GREB1L: variants seen among roughly 807,000 people sequenced by gnomAD.
The protein encoded by GREB1L is GREB1 like retinoic acid receptor coactivator.
In GREB1L, 17 loss-of-function variants were observed where a neutral mutation model predicts 200.8. That is an observed-to-expected ratio of 0.08 (90% CI 0.06 to 0.13). The LOEUF is 0.13. Among genes scored for constraint, GREB1L ranks in the 10% least tolerant of loss-of-function variants. The pLI, the probability that GREB1L is intolerant of heterozygous loss-of-function variation, is 1.00. For synonymous variants in GREB1L, 789 were observed against 893.0 expected (o/e 0.88, Z 2.08); for missense variants, 1,657 against 2,367.7 (o/e 0.70, Z 6.23).
chr18:21,522,778 G>T lies in GREB1L; in HGVS notation c.5729G>T (p.Ser1910Ile), dbSNP rs2037625980. ...GACGAGTTTCAAACTGCTAACAGCA[G>T]TGATGACAAGCCTCTCTACTTTCTT... ...LRDEFQTANS[S>I]DDKPLYFLTG... Residue 1910 changes from serine (S) to isoleucine (I), a missense_variant, in exon 33 of 33, where the codon AGT becomes ATT. By Grantham distance (142) the Ser-to-Ile change is moderately radical (BLOSUM62 -2). Coordinates refer to ENST00000424526, the MANE Select transcript of GREB1L (RefSeq NM_001142966.3). 1.3e-6 allele frequency: 2 copies of T among 1,551,586 alleles called. No homozygotes were observed. The highest frequency in any genetic ancestry group is 2.7e-5 in the African/African-American group (2 of 73,054).
chr18:21,291,605 T>C (rs1038646821), intron 1 of GREB1L, among the ~76,000 whole-genome samples: 4 of 152,240 alleles, frequency 2.6e-5, no homozygotes, highest in African/African-American at 9.6e-5. Context: ...GCCCATGTTA[T>C]TTGAAAATAC....
chr18:21,521,515 G>A (rs1025999472), intron 32 of GREB1L, among the ~76,000 whole-genome samples: 7 of 152,132 alleles, frequency 4.6e-5, no homozygotes, highest in Non-Finnish European at 8.8e-5. Context: ...GGGGTTGTGC[G>A]GGGACTGTGC....
Position 21,515,374 on chromosome 18 carries a change from T to C in GREB1L, c.4902-43T>C, listed in dbSNP as rs764095674. On this transcript the variant is annotated intron_variant, in intron 28 of 32. Transcript: ENST00000424526. ...AGACACTTCACAAATGATCCTCTCT[T>C]CTGTAATATTTATCAACATCTTATA... 1.9e-5 allele frequency: 25 copies of C among 1,330,504 alleles called. No homozygotes were observed. The South Asian group carries it at 2.8e-4, about 15-fold the overall frequency. 82.4% of individuals were successfully genotyped at this position (1,330,504 alleles called of 1,614,324 possible).
At chr18:21,316,154 AG>A (rs2038865386) in intron 1 of GREB1L, among the ~76,000 whole-genome samples, 1 of 152,156 alleles carries the variant, frequency 6.6e-6, no homozygotes, top group South Asian at 2.1e-4. Context: ...AAGGAGCCAG[AG>A]GAGGGCCACA....
intron 4 of GREB1L, among the ~76,000 whole-genome samples, chr18:21,393,278 CA>C (rs1453230476): frequency 6.6e-6 from 1 of 151,274 alleles, no homozygotes; most frequent in East Asian, 1.9e-4. Context: ...TCCTTGCTTC[CA>C]AAATTTTCTG....
intron 7 of GREB1L, among the ~76,000 whole-genome samples, chr18:21,436,943 T>A (rs554268726): frequency 2.6e-5 from 4 of 151,706 alleles, no homozygotes; most frequent in Non-Finnish European, 2.9e-5. Flanking sequence ...ACTCCTGGAG[T>A]CAAGTGATCA....
chr18:21,304,918 A>C (rs1252080457), intron 1 of GREB1L, among the ~76,000 whole-genome samples: 2 of 151,786 alleles, frequency 1.3e-5, no homozygotes, highest in Non-Finnish European at 2.9e-5. Context: ...TACAATGTCA[A>C]CTATCAGAGA....
chr18:21,352,693 G>A (rs528588786), intron 1 of GREB1L, among the ~76,000 whole-genome samples: 4 of 151,354 alleles, frequency 2.6e-5, no homozygotes, highest in African/African-American at 4.9e-5. Flanking sequence ...CTCAGCCTCC[G>A]AAAGTGCTGG....
intron 1 of GREB1L, among the ~76,000 whole-genome samples, chr18:21,322,524 A>G (rs1250363581): frequency 1.3e-5 from 2 of 152,198 alleles, no homozygotes; most frequent in Admixed American, 6.5e-5. Context: ...TTATATAAAT[A>G]CAATGAAATG....
At chr18:21,406,084 A>G (rs1212506639) in intron 7 of GREB1L, among the ~76,000 whole-genome samples, 4 of 151,908 alleles carry the variant, frequency 2.6e-5, no homozygotes, top group African/African-American at 9.7e-5. Flanking sequence ...AAGAACAATA[A>G]AACATGTAAC....
At chr18:21,394,878 G>A (rs1347365522) in intron 4 of GREB1L, among the ~76,000 whole-genome samples, 1 of 148,456 alleles carries the variant, frequency 6.7e-6, no homozygotes, top group Non-Finnish European at 1.5e-5. Context: ...GGTGGATCAC[G>A]AGGTCAGGAG....
At chr18:21,330,347 G>A (rs1048431270) in intron 1 of GREB1L, among the ~76,000 whole-genome samples, 3 of 152,222 alleles carry the variant, frequency 2.0e-5, no homozygotes, top group African/African-American at 4.8e-5. Flanking sequence ...CAGAATGCAT[G>A]GTGTCAGTGT....
intron 25 of GREB1L, 132 bp from the exon 26 acceptor site, chr18:21,507,986 A>G (rs1253851893): frequency 1.2e-6 from 1 of 824,642 alleles, no homozygotes; most frequent in African/African-American, 1.7e-5. Flanking sequence ...GTGGCTGCTC[A>G]CAGCCTGCTC....
chr18:21,394,439 A>G (rs561017885), intron 4 of GREB1L, among the ~76,000 whole-genome samples: 2 of 152,204 alleles, frequency 1.3e-5, no homozygotes, highest in African/African-American at 2.4e-5. Context: ...GAGTTCTTGG[A>G]GGAAGTTATA....
intron 1 of GREB1L, among the ~76,000 whole-genome samples, chr18:21,350,202 T>C (rs535382698): frequency 2.0e-5 from 3 of 151,860 alleles, no homozygotes; most frequent in East Asian, 1.9e-4. Flanking sequence ...AATAATAAAA[T>C]CAGGGAAAGG....
intron 7 of GREB1L, among the ~76,000 whole-genome samples, chr18:21,414,830 C>G (rs562749222): frequency 6.6e-6 from 1 of 152,224 alleles, no homozygotes; most frequent in East Asian, 1.9e-4. Flanking sequence ...TGGATTTACC[C>G]TCCCCCTGGA....
At chr18:21,249,163 A>G (rs767328937) in intron 1 of GREB1L, among the ~76,000 whole-genome samples, 5 of 152,046 alleles carry the variant, frequency 3.3e-5, no homozygotes, top group Non-Finnish European at 7.4e-5. Flanking sequence ...ATTTAGGTAG[A>G]TAACTTAGTT....
intron 16 of GREB1L, 26 bp downstream of exon 16, chr18:21,473,237 G>A (rs1362693811): frequency 7.0e-7 from 1 of 1,437,288 alleles, no homozygotes; most frequent in Non-Finnish European, 9.2e-7. Flanking sequence ...TGAGCAAATG[G>A]AGTCTCCCTT....
chr18:21,330,780 G>A (rs1165487435), intron 1 of GREB1L, among the ~76,000 whole-genome samples: 2 of 151,970 alleles, frequency 1.3e-5, no homozygotes, highest in Non-Finnish European at 2.9e-5. Context: ...TTGCTTCCTT[G>A]ACATACCTAA....
Sources: allele counts gnomAD v4.1 joint callset (sites outside exome capture counted in the v4.1 genomes callset), GRCh38; gene constraint gnomAD v4.1.1; transcripts MANE v1.5; gene names NCBI Gene and HGNC (gene_info 2026-07-23, HGNC 2026-07-21).